The following C8orf34 variants were observed in gnomAD, a reference collection of about 807,000 sequenced individuals.
C8orf34 encodes uncharacterized protein C8orf34.
Under a neutral mutation model 68.3 loss-of-function variants are expected in C8orf34, and 65 were observed. The observed-to-expected ratio is 0.95, with a 90% CI of 0.78 to 1.17. C8orf34 has a LOEUF of 1.17. C8orf34 is among the 50% of genes most tolerant of loss of function. The pLI, the probability that C8orf34 is intolerant of heterozygous loss-of-function variation, is 0.00. For missense variants in C8orf34, 664 were observed against 655.4 expected (o/e 1.01, Z -0.14); for synonymous variants, 244 against 241.2 (o/e 1.01, Z -0.11).
At chr8:68,339,264 CAATA>C (rs142368888) in intron 1 of C8orf34, among the ~76,000 whole-genome samples, 4,008 of 151,868 alleles carry the variant, frequency 0.026, 95 homozygotes, top group Admixed American at 0.09. Flanking sequence ...AAAAAAGAGA[CAATA>C]AATAATAAGT....
intron 7 of C8orf34, among the ~76,000 whole-genome samples, chr8:68,561,397 A>G (rs1337372131): frequency 1.3e-5 from 2 of 152,200 alleles, no homozygotes; most frequent in African/African-American, 2.4e-5. Flanking sequence ...TCCTTATTCT[A>G]TAAGCTTTTT....
At position 68,790,782 on chromosome 8, in the gene C8orf34, G is replaced by GT. The variant is rs1432839581; in HGVS notation, c.1549+3249dup. ...AATATTTGAATCTACTGGGGTACTT[G>GT]TTTAACACTCATATTCTGGGACTCT... On this transcript the variant is annotated intron_variant, in intron 12 of 13. Coordinates refer to ENST00000518698, the MANE Select transcript of C8orf34 (RefSeq NM_052958.4). 41 of 679,246 alleles carry GT rather than the reference G, an allele frequency of 6.0e-5. No individual in the cohort carries two copies. The Admixed American group carries it at 9.3e-4, about 15-fold the overall frequency. The allele number at this position is 679,246 out of a possible 1,614,324, so 42.1% of individuals were successfully genotyped here.
intron 10 of C8orf34, among the ~76,000 whole-genome samples, chr8:68,728,394 A>G (rs1821891890): frequency 6.6e-6 from 1 of 152,174 alleles, no homozygotes; most frequent in Non-Finnish European, 1.5e-5. Context: ...TCTTCTTCTG[A>G]GCCCTTCAAA....
At chr8:68,551,336 T>G (rs1816063969) in intron 7 of C8orf34, among the ~76,000 whole-genome samples, 1 of 152,058 alleles carries the variant, frequency 6.6e-6, no homozygotes, top group African/African-American at 2.4e-5. Context: ...TTACCATGTT[T>G]TTTATCTGTA....
chr8:68,780,418 T>C lies in C8orf34; in HGVS notation c.1455+3969T>C, dbSNP rs369878193. Among the ~76,000 whole-genome samples, 5 of 152,338 alleles carry C rather than the reference T, an allele frequency of 3.3e-5. 1 individual carries two copies. Among genetic ancestry groups the C allele is most frequent in the Admixed American group, 1.3e-4 (2 of 15,298 alleles). ...GAAGATGAAGTACAATCCCAAAGTATAGTGTAGGATGGCAAAATAGTCATG... is the reference window on the plus strand; with the variant it reads ...GAAGATGAAGTACAATCCCAAAGTACAGTGTAGGATGGCAAAATAGTCATG... On this transcript the variant is annotated intron_variant, in intron 11 of 13. Coordinates refer to ENST00000518698, the MANE Select transcript of C8orf34 (RefSeq NM_052958.4).
At chr8:68,559,240 T>C (rs1438756569) in intron 7 of C8orf34, among the ~76,000 whole-genome samples, 2 of 152,196 alleles carry the variant, frequency 1.3e-5, no homozygotes, top group African/African-American at 4.8e-5. Flanking sequence ...AAGTAACAGA[T>C]GGAGGAGCCT....
At chr8:68,466,151 G>C (rs187958704) in intron 3 of C8orf34, among the ~76,000 whole-genome samples, 187 of 151,958 alleles carry the variant, frequency 1.2e-3, no homozygotes, top group African/African-American at 3.9e-3. Flanking sequence ...CATGCCCTCA[G>C]TTATATGTGG....
At chr8:68,756,855 T>G (rs1822877275) in intron 10 of C8orf34, among the ~76,000 whole-genome samples, 1 of 152,190 alleles carries the variant, frequency 6.6e-6, no homozygotes, top group African/African-American at 2.4e-5. Context: ...AGCTTGTTGC[T>G]CTATGAAAAT....
At chr8:68,442,822 A>G (rs1036486624) in intron 2 of C8orf34, among the ~76,000 whole-genome samples, 9 of 152,178 alleles carry the variant, frequency 5.9e-5, no homozygotes, top group Non-Finnish European at 1.2e-4. Flanking sequence ...TCTAAGAATA[A>G]AGAGGTCACT....
chr8:68,700,303 T>C (rs963007299), intron 8 of C8orf34, among the ~76,000 whole-genome samples: 1 of 151,976 alleles, frequency 6.6e-6, no homozygotes, highest in Non-Finnish European at 1.5e-5. Flanking sequence ...ATCTGAGAGA[T>C]GGTGTGAAAG....
At chr8:68,638,884 G>A (rs917439122) in intron 7 of C8orf34, among the ~76,000 whole-genome samples, 3 of 152,024 alleles carry the variant, frequency 2.0e-5, no homozygotes, top group African/African-American at 7.2e-5. Flanking sequence ...ATTGGGTCAC[G>A]GTTTTCAATG....
At chr8:68,397,446 CTATT>C (rs1336396326) in intron 1 of C8orf34, among the ~76,000 whole-genome samples, 5 of 152,044 alleles carry the variant, frequency 3.3e-5, no homozygotes, top group Non-Finnish European at 1.5e-5. Flanking sequence ...AATAAATTAA[CTATT>C]TAAGTATATT....
chr8:68,594,573 A>G (rs952875130), intron 7 of C8orf34, among the ~76,000 whole-genome samples: 2 of 152,160 alleles, frequency 1.3e-5, no homozygotes, highest in South Asian at 2.1e-4. Flanking sequence ...CCCAATAGGT[A>G]GTTTTTCAAC....
intron 11 of C8orf34, among the ~76,000 whole-genome samples, chr8:68,783,523 CAAAAAA>C (rs775189886): frequency 1.9e-5 from 1 of 53,760 alleles, no homozygotes; most frequent in Non-Finnish European, 3.9e-5. Context: ...GACTTCATCT[CAAAAAA>C]AAAAAAAAAA....
intron 1 of C8orf34, among the ~76,000 whole-genome samples, chr8:68,362,456 A>G (rs1428883757): frequency 6.6e-6 from 1 of 152,242 alleles, no homozygotes; most frequent in Non-Finnish European, 1.5e-5. Context: ...TCCAGTCTAC[A>G]GCTCCCAGCG....
chr8:68,686,576 C>T (rs1039524586), intron 8 of C8orf34, among the ~76,000 whole-genome samples: 3 of 152,008 alleles, frequency 2.0e-5, no homozygotes, highest in African/African-American at 7.2e-5. Flanking sequence ...AATCCAGCAT[C>T]CTTTTATGAT....
Position 68,746,282 on chromosome 8 carries a change from A to C in C8orf34, c.1404+24845A>C, listed in dbSNP as rs1397334163. On this transcript the variant is annotated intron_variant, in intron 10 of 13. Coordinates refer to ENST00000518698, the MANE Select transcript of C8orf34 (RefSeq NM_052958.4). Reference sequence around the variant, plus strand: ...GCACTAAATGCCCACAAGAGAAAGCAGGAAAGATCCAAAATTGACACCCTA... The same window carrying C: ...GCACTAAATGCCCACAAGAGAAAGCCGGAAAGATCCAAAATTGACACCCTA... 1.0e-4 allele frequency among the ~76,000 whole-genome samples: 15 copies of C among 145,262 alleles called. No individual in the cohort carries two copies. The Admixed American group carries it at 1.0e-3, about 10-fold the overall frequency.
chr8:68,336,180 C>A (rs549324059), intron 1 of C8orf34, among the ~76,000 whole-genome samples: 2 of 151,174 alleles, frequency 1.3e-5, no homozygotes, highest in East Asian at 1.9e-4. Context: ...ATAACATAGG[C>A]TTTCCTCCCT....
chr8:68,551,844 TA>T (rs1335358199), intron 7 of C8orf34, among the ~76,000 whole-genome samples: 1 of 152,158 alleles, frequency 6.6e-6, no homozygotes, highest in Non-Finnish European at 1.5e-5. Flanking sequence ...CTAAAGGTTT[TA>T]AAGTTTTAAC....
Sources: gnomAD v4.1 joint callset for allele counts (sites outside exome capture counted in the v4.1 genomes callset) on GRCh38, gnomAD v4.1.1 for gene constraint, MANE v1.5 for transcripts, NCBI Gene and HGNC (gene_info 2026-07-23, HGNC 2026-07-21) for gene names.